Variants in LDB2 observed in about 807,000 individuals in gnomAD.
LDB2 encodes LIM domain-binding protein 2.
Under a neutral mutation model 44.3 loss-of-function variants are expected in LDB2, and 12 were observed. The observed-to-expected ratio is 0.27, with a 90% CI of 0.17 to 0.44. The LOEUF (loss-of-function observed/expected upper bound fraction) is 0.44, where lower values mean the gene tolerates loss of function less well. Among genes scored for constraint, LDB2 ranks in the 20% least tolerant of loss-of-function variants. The pLI is 1.00. For synonymous variants in LDB2, 164 were observed against 174.8 expected (o/e 0.94, Z 0.49); for missense variants, 344 against 473.5 (o/e 0.73, Z 2.54).
rs541818637 is a variant in LDB2, at chr4:16,615,365, T to C, written c.236-19490A>G. ...GACATGGAACCAACCCAAATGCTCA[T>C]CGATGATAGACTGGATAAAGAAAAT... is the stretch of plus-strand genomic sequence containing the variant. On this transcript the variant is annotated intron_variant, in intron 2 of 7. Transcript: ENST00000304523. Among the ~76,000 whole-genome samples, 3 of 152,244 alleles carry C rather than the reference T, an allele frequency of 2.0e-5. No individual in the cohort carries two copies. In the East Asian group the frequency reaches 5.8e-4, roughly 29 times the overall value.
chr4:16,897,682 C>A (rs895238991), intron 1 of LDB2, among the ~76,000 whole-genome samples: 1 of 151,688 alleles, frequency 6.6e-6, no homozygotes, highest in African/African-American at 2.4e-5. Flanking sequence ...TAGGGGGGCA[C>A]GGCCGACAGC....
At chr4:16,676,707 T>C (rs561236069) in intron 2 of LDB2, among the ~76,000 whole-genome samples, 9 of 152,324 alleles carry the variant, frequency 5.9e-5, no homozygotes, top group Non-Finnish European at 1.2e-4. Context: ...TCAAGGGTGA[T>C]GTAAGAATGG....
chr4:16,712,433 T>C (rs1488811535), intron 2 of LDB2, among the ~76,000 whole-genome samples: 1 of 152,108 alleles, frequency 6.6e-6, no homozygotes, highest in Non-Finnish European at 1.5e-5. Flanking sequence ...GCGCCTGTAG[T>C]CCCGGCTACT....
chr4:16,660,688 A>C (rs1226201629), intron 2 of LDB2, among the ~76,000 whole-genome samples: 1 of 152,206 alleles, frequency 6.6e-6, no homozygotes, highest in Admixed American at 6.5e-5. Context: ...TCTTACTGTT[A>C]CTGCTGTACA....
intron 2 of LDB2, among the ~76,000 whole-genome samples, chr4:16,620,061 T>C (rs1560658134): frequency 6.6e-6 from 1 of 152,180 alleles, no homozygotes; most frequent in Non-Finnish European, 1.5e-5. Context: ...TCTGAGTTAT[T>C]ATCAGAGTTG....
chr4:16,564,584 T>G (rs79459998), intron 5 of LDB2, among the ~76,000 whole-genome samples: 2,048 of 152,334 alleles, frequency 0.013, 49 homozygotes, highest in African/African-American at 0.047. Flanking sequence ...TGCTAATTTT[T>G]CTTTCCTAAA....
At chr4:16,783,376 C>T (rs895379740) in intron 1 of LDB2, among the ~76,000 whole-genome samples, 5 of 152,228 alleles carry the variant, frequency 3.3e-5, no homozygotes, top group Admixed American at 1.3e-4. Context: ...AGGAAGGATG[C>T]ATGTTCTCAC....
At chr4:16,872,136 G>A (rs1350297521) in intron 1 of LDB2, among the ~76,000 whole-genome samples, 2 of 151,478 alleles carry the variant, frequency 1.3e-5, no homozygotes, top group Non-Finnish European at 2.9e-5. Flanking sequence ...GTATATACAC[G>A]CTCTTTTTTT....
At chr4:16,847,096 T>G (rs576788548) in intron 1 of LDB2, among the ~76,000 whole-genome samples, 1 of 152,296 alleles carries the variant, frequency 6.6e-6, no homozygotes, top group African/African-American at 2.4e-5. Context: ...TCTAGTTAGT[T>G]GGACCCCAAT....
intron 5 of LDB2, among the ~76,000 whole-genome samples, chr4:16,556,917 T>C (rs1739834688): frequency 6.6e-6 from 1 of 152,178 alleles, no homozygotes. Context: ...AACTCTATGG[T>C]CAGAAAACCT....
chr4:16,696,145 G>A (rs141357207), intron 2 of LDB2, among the ~76,000 whole-genome samples: 9 of 152,140 alleles, frequency 5.9e-5, no homozygotes. Context: ...GGGGAAAAAG[G>A]ACTTCTCTGT....
chr4:16,587,693 G>A (rs895011778), intron 4 of LDB2, among the ~76,000 whole-genome samples: 23 of 152,154 alleles, frequency 1.5e-4, no homozygotes, highest in Admixed American at 1.0e-3. Flanking sequence ...TGGAGAAATA[G>A]CCAGGAGTGG....
In LDB2 at chr4:16,681,203, AT is replaced by A. The variant is rs1363757854; in HGVS notation, c.235+77954del. Among the ~76,000 whole-genome samples, 6 of 152,324 alleles carry A rather than the reference AT, an allele frequency of 3.9e-5. No homozygotes were observed. The South Asian group carries it at 8.3e-4, about 21-fold the overall frequency. ...AGAAGAGGAAATCAGAGAGATTTTA[AT>A]TGTTCAAGGGATTCAATTTGAAATA... On this transcript the variant is annotated intron_variant, in intron 2 of 7. Transcript: ENST00000304523.
chr4:16,853,203 G>T (rs1292909851), intron 1 of LDB2, among the ~76,000 whole-genome samples: 1 of 152,066 alleles, frequency 6.6e-6, no homozygotes, highest in East Asian at 1.9e-4. Flanking sequence ...GCAGCCTATG[G>T]ATTGAGAAAA....
At chr4:16,830,837 C>T (rs970899961) in intron 1 of LDB2, among the ~76,000 whole-genome samples, 2 of 152,130 alleles carry the variant, frequency 1.3e-5, no homozygotes, top group Non-Finnish European at 2.9e-5. Flanking sequence ...GATGGCTGAT[C>T]CAATTAGCCT....
intron 5 of LDB2, among the ~76,000 whole-genome samples, chr4:16,545,929 G>A (rs769254541): frequency 1.3e-4 from 20 of 152,214 alleles, no homozygotes; most frequent in Admixed American, 3.3e-4. Context: ...GGCACCCGCC[G>A]TATGCAATTC....
chr4:16,592,728 A>C (rs1428568813), intron 3 of LDB2, among the ~76,000 whole-genome samples: 1 of 151,992 alleles, frequency 6.6e-6, no homozygotes, highest in Non-Finnish European at 1.5e-5. Context: ...TAAACAATTG[A>C]GAACAGAGAA....
At chr4:16,542,545 A>G (rs151232507) in intron 5 of LDB2, among the ~76,000 whole-genome samples, 35 of 152,292 alleles carry the variant, frequency 2.3e-4, no homozygotes, top group African/African-American at 8.4e-4. Flanking sequence ...AACTAAGGGA[A>G]GAGAAGCAGA....
intron 2 of LDB2, among the ~76,000 whole-genome samples, chr4:16,675,519 C>G (rs1466553166): frequency 1.3e-5 from 2 of 151,362 alleles, no homozygotes; most frequent in African/African-American, 4.9e-5. Context: ...TGTCACAGAA[C>G]TTCTAATCTC....
Sources: gnomAD v4.1 joint callset for allele counts (sites outside exome capture counted in the v4.1 genomes callset) on GRCh38, gnomAD v4.1.1 for gene constraint, MANE v1.5 for transcripts, NCBI Gene and HGNC (gene_info 2026-07-23, HGNC 2026-07-21) for gene names.